The following EDNRA variants were observed in gnomAD, a reference collection of about 807,000 sequenced individuals.
The protein encoded by EDNRA is endothelin receptor type A, also known as endothelin-1 receptor.
A neutral mutation model predicts 41.4 loss-of-function variants in EDNRA; 11 were observed. That is an observed-to-expected ratio of 0.27 (90% CI 0.17 to 0.44). The LOEUF (loss-of-function observed/expected upper bound fraction) is 0.44. Among genes scored for constraint, EDNRA ranks in the 20% least tolerant of loss-of-function variants. The pLI, the probability that EDNRA is intolerant of heterozygous loss-of-function variation, is 1.00. For missense variants in EDNRA, 294 were observed against 531.0 expected, an observed-to-expected ratio of 0.55 and a Z score of 4.39; for synonymous variants, 172 against 183.0, an observed-to-expected ratio of 0.94 and a Z score of 0.49.
chr4:147,539,748 A>G (rs1407518837), intron 5 of EDNRA, 69 bp from the exon 6 acceptor site: 2 of 1,526,712 alleles, frequency 1.3e-6, no homozygotes, highest in African/African-American at 1.4e-5. Context: ...ACTTCTTGGT[A>G]CTGTAGTTCT....
At chr4:147,542,361 C>T in intron 7 of EDNRA, 117 bp from the exon 8 acceptor site, 1 of 1,429,160 alleles carries the variant, frequency 7.0e-7, no homozygotes, top group South Asian at 1.3e-5. Context: ...TGTCAAGGTT[C>T]ACTTCCCTCG....
chr4:147,539,701 G>T, intron 5 of EDNRA, 116 bp from the exon 6 acceptor site: 1 of 1,228,756 alleles, frequency 8.1e-7, no homozygotes, highest in Non-Finnish European at 1.1e-6. Context: ...CTGTTCTCCT[G>T]GCTCTTCTTT....
chr4:147,520,282 C>A, intron 3 of EDNRA: 2 of 441,908 alleles, frequency 4.5e-6, no homozygotes, highest in South Asian at 1.9e-5. Flanking sequence ...AAGGAGATTC[C>A]AGGATATGCA....
At chr4:147,535,846 C>T in intron 4 of EDNRA, 31 bp from the exon 5 acceptor site, 1 of 1,584,972 alleles carries the variant, frequency 6.3e-7, no homozygotes. Context: ...TCTGCTCCTC[C>T]TTTTCTCTTT....
At position 147,544,130 on chromosome 4, in the gene EDNRA, C is replaced by T. The variant is rs147057835; in HGVS notation, c.*1512C>T. ...AATCTAATCTAATAATTGTGCCCCGCAGTTGTGCCAAAGTGCATAGTCTGA... is the reference window on the plus strand; with the variant it reads ...AATCTAATCTAATAATTGTGCCCCGTAGTTGTGCCAAAGTGCATAGTCTGA... On this transcript the variant is annotated 3_prime_UTR_variant, in exon 8 of 8. Coordinates refer to ENST00000651419, the MANE Select transcript of EDNRA (RefSeq NM_001957.4). 2 of 152,742 alleles carry T rather than the reference C, an allele frequency of 1.3e-5. No homozygotes were observed. The highest frequency in any genetic ancestry group is 2.1e-4 in the South Asian group (1 of 4,830). 9.5% of individuals were successfully genotyped at this position (152,742 alleles called of 1,614,324 possible). A position where few individuals can be genotyped will look rare whatever the true frequency, so the allele number is the denominator to read the frequency against.
At chr4:147,537,905 G>A (rs1202795000) in intron 5 of EDNRA, among the ~76,000 whole-genome samples, 1 of 138,096 alleles carries the variant, frequency 7.2e-6, no homozygotes, top group East Asian at 2.0e-4. Flanking sequence ...TGGGACTGCG[G>A]GAGAAACAGC....
chr4:147,514,838 T>A (rs1436844155), intron 2 of EDNRA, among the ~76,000 whole-genome samples: 1 of 152,234 alleles, frequency 6.6e-6, no homozygotes, highest in East Asian at 1.9e-4. Context: ...TCCATTTGAC[T>A]GTCAGCTGTC....
intron 5 of EDNRA, among the ~76,000 whole-genome samples, chr4:147,538,911 T>A (rs1467849573): frequency 6.6e-6 from 1 of 152,182 alleles, no homozygotes; most frequent in Non-Finnish European, 1.5e-5. Flanking sequence ...CATTAACTGA[T>A]CCCAGTTACA....
intron 2 of EDNRA, among the ~76,000 whole-genome samples, chr4:147,515,749 CA>C (rs1290916578): frequency 6.6e-6 from 1 of 152,140 alleles, no homozygotes; most frequent in Non-Finnish European, 1.5e-5. Context: ...ATATGTTCCC[CA>C]TACTTAAGAG....
chr4:147,488,409 G>T (rs1284724061), intron 2 of EDNRA: 1 of 152,156 alleles, frequency 6.6e-6, no homozygotes, highest in Non-Finnish European at 1.5e-5. Flanking sequence ...ATTCTTATTT[G>T]ACCATATTGT....
At chr4:147,515,871 C>T (rs1730097256) in intron 2 of EDNRA, among the ~76,000 whole-genome samples, 1 of 152,152 alleles carries the variant, frequency 6.6e-6, no homozygotes, top group Non-Finnish European at 1.5e-5. Flanking sequence ...TCATATGGTA[C>T]AAGTTCTTCC....
At chr4:147,534,972 T>G (rs1730870399) in intron 4 of EDNRA, among the ~76,000 whole-genome samples, 1 of 152,208 alleles carries the variant, frequency 6.6e-6, no homozygotes, top group Admixed American at 6.5e-5. Flanking sequence ...TCTTTCTATA[T>G]TCAGAAACTG....
chr4:147,484,842 G>A (rs888530284), intron 1 of EDNRA, among the ~76,000 whole-genome samples: 5 of 152,140 alleles, frequency 3.3e-5, no homozygotes, highest in Non-Finnish European at 5.9e-5. Context: ...CAAAACAAAT[G>A]TTTTTATCAA....
chr4:147,497,819 A>G (rs746086359), intron 2 of EDNRA, among the ~76,000 whole-genome samples: 18 of 152,066 alleles, frequency 1.2e-4, no homozygotes, highest in East Asian at 3.9e-4. Flanking sequence ...TGATCCGCCC[A>G]CCTCGGCCTC....
In EDNRA at chr4:147,526,161, G is replaced by T. The variant is rs538155104; in HGVS notation, c.548+6183G>T. Among the ~76,000 whole-genome samples, 3 of 152,306 alleles carry T rather than the reference G, an allele frequency of 2.0e-5. No individual in the cohort carries two copies. The South Asian group carries it at 6.2e-4, about 32-fold the overall frequency. On this transcript the variant is annotated intron_variant, in intron 3 of 7. Coordinates refer to ENST00000651419, the MANE Select transcript of EDNRA (RefSeq NM_001957.4). ...TTGGGAGTCTGTTCACTATCGTACT[G>T]AGTTATTTGTTCTTTTATCTTATTC...
intron 2 of EDNRA, among the ~76,000 whole-genome samples, chr4:147,509,994 G>T (rs1186168724): frequency 6.6e-6 from 1 of 152,108 alleles, no homozygotes; most frequent in African/African-American, 2.4e-5. Context: ...GTACCAAAAA[G>T]GTTGGGGACC....
chr4:147,501,540 C>T (rs374311604), intron 2 of EDNRA, among the ~76,000 whole-genome samples: 1 of 152,178 alleles, frequency 6.6e-6, no homozygotes, highest in Non-Finnish European at 1.5e-5. Flanking sequence ...TAGCGAATCA[C>T]CTTTAAAAGA....
chr4:147,535,760 C>A (rs1178965215), intron 4 of EDNRA, 117 bp from the exon 5 acceptor site: 7 of 1,274,104 alleles, frequency 5.5e-6, no homozygotes, highest in African/African-American at 1.5e-5. Context: ...AACCAGAGAG[C>A]ATGATTTTAC....
At chr4:147,507,716 G>C (rs1194924406) in intron 2 of EDNRA, among the ~76,000 whole-genome samples, 3 of 152,026 alleles carry the variant, frequency 2.0e-5, no homozygotes, top group Non-Finnish European at 4.4e-5. Context: ...AAATAATATT[G>C]GTAGATTATA....
Sources: gnomAD v4.1 joint callset for allele counts (sites outside exome capture counted in the v4.1 genomes callset) on GRCh38, gnomAD v4.1.1 for gene constraint, MANE v1.5 for transcripts, NCBI Gene and HGNC (gene_info 2026-07-23, HGNC 2026-07-21) for gene names.